PRKACB: variants seen among roughly 807,000 people sequenced by gnomAD.
PRKACB encodes protein kinase cAMP-activated catalytic subunit beta, also known as cAMP-dependent protein kinase catalytic subunit beta.
Under a neutral mutation model 51.4 loss-of-function variants are expected in PRKACB, and 16 were observed. The observed-to-expected ratio is 0.31, with a 90% CI of 0.21 to 0.47. The LOEUF is 0.47. PRKACB is among the 20% of genes least tolerant of loss of function. The pLI, the probability that PRKACB is intolerant of heterozygous loss-of-function variation, is 1.00. For synonymous variants in PRKACB, 147 were observed against 154.4 expected, an observed-to-expected ratio of 0.95 and a Z score of 0.35; for missense variants, 309 against 464.5, an observed-to-expected ratio of 0.67 and a Z score of 3.08.
At chr1:84,163,879 T>C (rs935925603) in intron 1 of PRKACB, among the ~76,000 whole-genome samples, 1 of 152,024 alleles carries the variant, frequency 6.6e-6, no homozygotes, top group Non-Finnish European at 1.5e-5. Flanking sequence ...CTATAGATTC[T>C]TTGTACCATT....
At chr1:84,173,729 A>G (rs1176502946) in intron 1 of PRKACB, among the ~76,000 whole-genome samples, 1 of 151,868 alleles carries the variant, frequency 6.6e-6, no homozygotes, top group Non-Finnish European at 1.5e-5. Flanking sequence ...TAAATAGAAT[A>G]ATGCTTTTAT....
intron 1 of PRKACB, among the ~76,000 whole-genome samples, chr1:84,100,963 C>T (rs893658763): frequency 6.6e-6 from 1 of 152,108 alleles, no homozygotes; most frequent in African/African-American, 2.4e-5. Context: ...TATTGACTGC[C>T]TTTCTAAAAA....
chr1:84,229,075 T>A, intron 9 of PRKACB, among the ~76,000 whole-genome samples: 1 of 104,302 alleles, frequency 9.6e-6, no homozygotes, highest in Admixed American at 1.1e-4. Context: ...ATGCTATCCC[T>A]CCCCCCTCCC....
chr1:84,101,547 T>G (rs1649351571), intron 1 of PRKACB, among the ~76,000 whole-genome samples: 1 of 152,178 alleles, frequency 6.6e-6, no homozygotes, highest in Non-Finnish European at 1.5e-5. Context: ...CTTTTTAACT[T>G]ACATTTATTA....
At position 84,181,583 on chromosome 1, in the gene PRKACB, C is replaced by T. The variant is rs1368623275; in HGVS notation, c.250-617C>T. 3 of 929,968 alleles carry T rather than the reference C, an allele frequency of 3.2e-6. No individual in the cohort carries two copies. The African/African-American group carries it at 5.2e-5, about 16-fold the overall frequency. 57.6% of individuals were successfully genotyped at this position (929,968 alleles called of 1,614,324 possible). ...TTGGTTCTTTGTAGAATGAGGAACTCTTCTTTCCTTATTGTTGTTGTTTTA... is the reference window on the plus strand; with the variant it reads ...TTGGTTCTTTGTAGAATGAGGAACTTTTCTTTCCTTATTGTTGTTGTTTTA... On this transcript the variant is annotated intron_variant, in intron 2 of 9. Coordinates refer to ENST00000370685, the MANE Select transcript of PRKACB (RefSeq NM_182948.4).
At chr1:84,198,793 T>C (rs1007056262) in intron 7 of PRKACB, among the ~76,000 whole-genome samples, 5 of 150,302 alleles carry the variant, frequency 3.3e-5, no homozygotes, top group Admixed American at 6.7e-5. Context: ...CCCACCAACC[T>C]AGACGCAGCC....
chr1:84,125,916 C>G (rs1208718903), intron 1 of PRKACB, among the ~76,000 whole-genome samples: 1 of 152,118 alleles, frequency 6.6e-6, no homozygotes, highest in African/African-American at 2.4e-5. Context: ...TCCCTTGACC[C>G]CTTCGCGGGA....
At chr1:84,105,493 A>T (rs1649665629) in intron 1 of PRKACB, among the ~76,000 whole-genome samples, 1 of 152,184 alleles carries the variant, frequency 6.6e-6, no homozygotes, top group Non-Finnish European at 1.5e-5. Flanking sequence ...AAAAAAGAAA[A>T]GAAGAAAAAT....
At chr1:84,091,008 A>T (rs1648421499) in intron 1 of PRKACB, among the ~76,000 whole-genome samples, 1 of 152,050 alleles carries the variant, frequency 6.6e-6, no homozygotes, top group Non-Finnish European at 1.5e-5. Context: ...CATTTATTTA[A>T]AAAACGTGTA....
chr1:84,121,677 C>A (rs1483781075), intron 1 of PRKACB, among the ~76,000 whole-genome samples: 1 of 152,088 alleles, frequency 6.6e-6, no homozygotes, highest in Non-Finnish European at 1.5e-5. Flanking sequence ...TCCTTGTGAA[C>A]ACAATGCTAG....
At chr1:84,177,145 A>G (rs1316266060) in intron 1 of PRKACB, among the ~76,000 whole-genome samples, 1 of 152,016 alleles carries the variant, frequency 6.6e-6, no homozygotes, top group Non-Finnish European at 1.5e-5. Flanking sequence ...GAGAGTTTAT[A>G]TTGCAACTTG....
chr1:84,188,208 CTAACAATG>C (rs58263278), intron 5 of PRKACB, among the ~76,000 whole-genome samples: 73,466 of 150,884 alleles, frequency 0.49, 18,351 homozygotes, highest in Non-Finnish European at 0.56. Context: ...TATTTAAGAA[CTAACAATG>C]TAACAATGTT....
chr1:84,186,243 G>C (rs2101040912), intron 5 of PRKACB, among the ~76,000 whole-genome samples: 1 of 151,634 alleles, frequency 6.6e-6, no homozygotes, highest in Admixed American at 6.6e-5. Context: ...TTTTGAGACT[G>C]AGTCTCCCTC....
chr1:84,189,548 A>G (rs1271102589), intron 5 of PRKACB, among the ~76,000 whole-genome samples: 2 of 151,906 alleles, frequency 1.3e-5, no homozygotes, highest in Non-Finnish European at 2.9e-5. Flanking sequence ...CTTTCAAGAA[A>G]GAGAAGGGGA....
intron 7 of PRKACB, among the ~76,000 whole-genome samples, chr1:84,199,078 T>C (rs1280488181): frequency 3.4e-5 from 2 of 58,896 alleles, no homozygotes; most frequent in African/African-American, 8.0e-5. Flanking sequence ...TGCATATATG[T>C]ATATATATGC....
rs1655678306 is a variant in PRKACB at position 84,157,720 on chromosome 1, T to G, written c.187+13172T>G. On this transcript the variant is annotated intron_variant, in intron 1 of 9. Coordinates refer to ENST00000370685, the MANE Select transcript of PRKACB (RefSeq NM_182948.4). ...TTTTAGGTTCATCCATGTTATAGAATATATTAATAATTGGTTCCGATTTAT... is the reference window on the plus strand; with the variant it reads ...TTTTAGGTTCATCCATGTTATAGAAGATATTAATAATTGGTTCCGATTTAT... Among the ~76,000 whole-genome samples the G allele has an allele frequency of 7.2e-5, 11 of 152,212 alleles. No homozygotes were observed. In the South Asian group the frequency reaches 2.1e-3, roughly 29 times the overall value.
chr1:84,161,000 A>G (rs2100697021), intron 1 of PRKACB, among the ~76,000 whole-genome samples: 1 of 151,956 alleles, frequency 6.6e-6, no homozygotes, highest in Non-Finnish European at 1.5e-5. Context: ...TGATGGTGTT[A>G]TTTAAGTTGT....
At chr1:84,184,200 A>G in intron 4 of PRKACB, 65 bp downstream of exon 4, 1 of 1,371,362 alleles carries the variant, frequency 7.3e-7, no homozygotes, top group Non-Finnish European at 1.0e-6. Context: ...TGAAACTATA[A>G]ATGGATTCTA....
intron 5 of PRKACB, among the ~76,000 whole-genome samples, chr1:84,187,270 G>C (rs775546517): frequency 2.0e-5 from 3 of 152,094 alleles, no homozygotes; most frequent in East Asian, 1.9e-4. Flanking sequence ...CTTAAGTCAG[G>C]CTTTGTCAAT....
Sources: allele counts gnomAD v4.1 joint callset (sites outside exome capture counted in the v4.1 genomes callset), GRCh38; gene constraint gnomAD v4.1.1; transcripts MANE v1.5; gene names NCBI Gene and HGNC (gene_info 2026-07-23, HGNC 2026-07-21).